Variants in DEFB131A observed in about 807,000 individuals in gnomAD.
The protein encoded by DEFB131A is beta-defensin 131A.
A neutral mutation model predicts 2.4 loss-of-function variants in DEFB131A; 5 were observed. That is an observed-to-expected ratio of 2.12 (90% CI 1.11 to 4.47). The LOEUF (loss-of-function observed/expected upper bound fraction) is 4.47, where lower values mean the gene tolerates loss of function less well. Among genes scored for constraint, DEFB131A ranks in the 30% most tolerant of loss-of-function variants. DEFB131A has a pLI of 0.00. For synonymous variants in DEFB131A, 34 were observed against 25.7 expected, an observed-to-expected ratio of 1.32 and a Z score of -0.97; for missense variants, 120 against 79.9, an observed-to-expected ratio of 1.50 and a Z score of -1.91.
intron 1 of DEFB131A, among the ~76,000 whole-genome samples, chr4:9,448,488 C>A (rs112766992): frequency 8.5e-4 from 129 of 152,204 alleles, no homozygotes; most frequent in Admixed American, 1.6e-3. Context: ...CCATGCCTGG[C>A]TAATTTTGTA....
Position 9,450,229 on chromosome 4 carries a change from A to AT in DEFB131A, c.59-125dup, listed in dbSNP as rs745462629. The AT allele has an allele frequency of 2.1e-5, 23 of 1,110,814 alleles. No individual in the cohort carries two copies. In the South Asian group the frequency reaches 3.8e-4, roughly 18 times the overall value. 68.8% of individuals were successfully genotyped at this position (1,110,814 alleles called of 1,614,324 possible). ...TCAGCATCTCCACGTTTTCTCTTGC[A>AT]TTTTTTGCTGTTGATTTTGTTTTTC... On this transcript the variant is annotated intron_variant, in intron 1 of 1. Transcript: ENST00000334879.
At chr4:9,449,152 A>C (rs1315821626) in intron 1 of DEFB131A, among the ~76,000 whole-genome samples, 1 of 151,194 alleles carries the variant, frequency 6.6e-6, no homozygotes, top group Non-Finnish European at 1.5e-5. Flanking sequence ...CTGGTACATT[A>C]AAAATTGCAG....
intron 1 of DEFB131A, among the ~76,000 whole-genome samples, chr4:9,449,225 T>G (rs1301655134): frequency 6.7e-6 from 1 of 149,674 alleles, no homozygotes; most frequent in African/African-American, 2.5e-5. Flanking sequence ...GTTCATGAAT[T>G]GGAAGACATG....
At position 9,450,633 on chromosome 4, in the gene DEFB131A, G is replaced by T; in HGVS notation, c.*119G>T. ...TATAATTGCATGTTTAGATGGTCAG[G>T]TGAAAATGAATATAAATTTTATAAA... On this transcript the variant is annotated 3_prime_UTR_variant, in exon 2 of 2. Coordinates refer to ENST00000334879, the MANE Select transcript of DEFB131A (RefSeq NM_001040448.3). 1 of 1,364,166 alleles carries T rather than the reference G, an allele frequency of 7.3e-7. No individual in the cohort carries two copies. Among genetic ancestry groups the T allele is most frequent in the South Asian group, 1.4e-5 (1 of 71,026 alleles). The allele number at this position is 1,364,166 out of a possible 1,614,324, so 84.5% of individuals were successfully genotyped here.
At chr4:9,447,014 C>T (rs6448071) in intron 1 of DEFB131A, among the ~76,000 whole-genome samples, 140,516 of 152,088 alleles carry the variant, frequency 0.92, 65,067 homozygotes, top group African/African-American at 0.98. Context: ...ACATATGGTC[C>T]AGCCTGGAGA....
intron 1 of DEFB131A, among the ~76,000 whole-genome samples, chr4:9,448,324 A>G (rs1717558832): frequency 6.6e-6 from 1 of 152,092 alleles, no homozygotes; most frequent in Non-Finnish European, 1.5e-5. Context: ...AAAAAAAAGA[A>G]CACTATCTTA....
intron 1 of DEFB131A, 59 bp downstream of exon 1, chr4:9,444,650 G>C: frequency 2.6e-6 from 4 of 1,547,778 alleles, no homozygotes; most frequent in Non-Finnish European, 3.5e-6. Flanking sequence ...GAAAATGCAA[G>C]GTCTTTCAAG....
intron 1 of DEFB131A, among the ~76,000 whole-genome samples, chr4:9,446,235 G>A (rs1408962545): frequency 1.3e-5 from 2 of 152,008 alleles, no homozygotes; most frequent in Admixed American, 1.3e-4. Context: ...AGATAAATAA[G>A]TCAATTGATA....
chr4:9,446,419 C>A (rs1383314167), intron 1 of DEFB131A, among the ~76,000 whole-genome samples: 2 of 152,008 alleles, frequency 1.3e-5, no homozygotes, highest in African/African-American at 4.8e-5. Flanking sequence ...CATTGTATTT[C>A]TTTTATATCA....
intron 1 of DEFB131A, among the ~76,000 whole-genome samples, chr4:9,447,641 C>G (rs1444560677): frequency 6.6e-6 from 1 of 151,614 alleles, no homozygotes; most frequent in Non-Finnish European, 1.5e-5. Context: ...GTGTCTCTTC[C>G]TCTTCTAACA....
At chr4:9,445,954 A>G (rs1441943591) in intron 1 of DEFB131A, among the ~76,000 whole-genome samples, 4 of 152,128 alleles carry the variant, frequency 2.6e-5, no homozygotes, top group African/African-American at 4.8e-5. Flanking sequence ...TTTATTTAGC[A>G]TAATGTTTTC....
chr4:9,445,448 C>A (rs532380102), intron 1 of DEFB131A, among the ~76,000 whole-genome samples: 1 of 152,012 alleles, frequency 6.6e-6, no homozygotes, highest in Non-Finnish European at 1.5e-5. Context: ...ATAATCAATA[C>A]GACTTTCCCA....
rs1417453917 is a variant in DEFB131A, at chr4:9,450,210, T to C, written c.59-150T>C. ...AATCATCGCTTGTCTTTATTCAGCA[T>C]CTCCACGTTTTCTCTTGCATTTTTT... is the stretch of plus-strand genomic sequence containing the variant. On this transcript the variant is annotated intron_variant, in intron 1 of 1. Coordinates refer to ENST00000334879, the MANE Select transcript of DEFB131A (RefSeq NM_001040448.3). 10 of 885,470 alleles carry C rather than the reference T, an allele frequency of 1.1e-5. No homozygotes were observed. The African/African-American group carries it at 1.2e-4, about 10-fold the overall frequency. 54.9% of individuals were successfully genotyped at this position (885,470 alleles called of 1,614,324 possible). A position where few individuals can be genotyped will look rare whatever the true frequency, so the allele number is the denominator to read the frequency against.
At chr4:9,450,216 C>T (rs1245939401) in intron 1 of DEFB131A, 144 bp from the exon 2 acceptor site, 6 of 962,080 alleles carry the variant, frequency 6.2e-6, no homozygotes, top group Non-Finnish European at 7.1e-6. Flanking sequence ...AGCATCTCCA[C>T]GTTTTCTCTT....
Position 9,450,385 on chromosome 4 carries a change from A to T in DEFB131A, c.84A>T (p.Glu28Asp). The T allele has an allele frequency of 2.5e-6, 4 of 1,585,220 alleles. No individual in the cohort carries two copies. Among genetic ancestry groups the T allele is most frequent in the Non-Finnish European group, 3.4e-6 (4 of 1,164,210 alleles). ...CCAGAAGCTTCATTTCTAATGATGA[A>T]TGTCCTTCAGAATATTATCATTGCA... ...PPARSFISND[E>D]CPSEYYHCRL... Residue 28 changes from glutamate (E) to aspartate (D), a missense_variant, in exon 2 of 2, where the codon GAA becomes GAT. Physicochemically the swap from Glu to Asp is conservative, Grantham distance 45 (BLOSUM62 2). Transcript: ENST00000334879.
At chr4:9,445,086 T>C (rs1013232553) in intron 1 of DEFB131A, among the ~76,000 whole-genome samples, 5 of 151,880 alleles carry the variant, frequency 3.3e-5, no homozygotes, top group African/African-American at 9.7e-5. Flanking sequence ...TCTCAAAAAA[T>C]AATAATAATA....
intron 1 of DEFB131A, among the ~76,000 whole-genome samples, chr4:9,444,944 A>T (rs1428507355): frequency 6.6e-6 from 1 of 151,706 alleles, no homozygotes; most frequent in Non-Finnish European, 1.5e-5. Flanking sequence ...TTAATCAGGT[A>T]TAGTGGCGCG....
chr4:9,447,323 G>A (rs1424469682), intron 1 of DEFB131A, among the ~76,000 whole-genome samples: 4 of 151,846 alleles, frequency 2.6e-5, no homozygotes, highest in African/African-American at 4.8e-5. Flanking sequence ...TGCTGAATTG[G>A]CCCTTTTATC....
intron 1 of DEFB131A, among the ~76,000 whole-genome samples, chr4:9,448,658 C>T (rs190340524): frequency 0.015 from 2,349 of 152,170 alleles, 66 homozygotes; most frequent in African/African-American, 0.054. Flanking sequence ...ACATAATTTT[C>T]TTAGGTAAAC....
Sources: gnomAD v4.1 joint callset for allele counts (sites outside exome capture counted in the v4.1 genomes callset) on GRCh38, gnomAD v4.1.1 for gene constraint, MANE v1.5 for transcripts, NCBI Gene and HGNC (gene_info 2026-07-23, HGNC 2026-07-21) for gene names.